PID1: variants seen among roughly 807,000 people sequenced by gnomAD.
PID1 encodes the protein phosphotyrosine interaction domain containing 1.
In PID1, 10 loss-of-function variants were observed where a neutral mutation model predicts 19.1. The ratio of observed to expected loss-of-function variants is 0.52; its 90% CI spans 0.32 to 0.89. The LOEUF (loss-of-function observed/expected upper bound fraction) is 0.89. Ranked by LOEUF, PID1 falls within the 40% of genes least tolerant of loss-of-function variation. PID1 has a pLI of 0.03. For synonymous variants in PID1, 130 were observed against 116.0 expected (o/e 1.12, Z -0.78); for missense variants, 248 against 285.3 (o/e 0.87, Z 0.94).
At chr2:229,113,667 C>T (rs1695350002) in intron 2 of PID1, among the ~76,000 whole-genome samples, 1 of 150,452 alleles carries the variant, frequency 6.6e-6, no homozygotes, top group African/African-American at 2.4e-5. Flanking sequence ...GTGAGGCTAA[C>T]TAATTGATGC....
At chr2:229,033,187 G>GA (rs1020540399) in intron 2 of PID1, among the ~76,000 whole-genome samples, 8 of 152,166 alleles carry the variant, frequency 5.3e-5, no homozygotes, top group African/African-American at 1.9e-4. Flanking sequence ...TGGAGAGTGG[G>GA]ATCAAAAGGG....
At chr2:229,170,358 T>C (rs1203550148) in intron 1 of PID1, among the ~76,000 whole-genome samples, 1 of 152,160 alleles carries the variant, frequency 6.6e-6, no homozygotes, top group African/African-American at 2.4e-5. Context: ...TTTTGAGGCA[T>C]TTGAACGTCA....
intron 1 of PID1, among the ~76,000 whole-genome samples, chr2:229,173,975 C>T (rs1690761971): frequency 6.6e-6 from 1 of 152,212 alleles, no homozygotes; most frequent in Admixed American, 6.5e-5. Flanking sequence ...TTACCTCACT[C>T]CTGAGAGCTA....
chr2:229,095,752 C>T (rs1218083234), intron 2 of PID1, among the ~76,000 whole-genome samples: 1 of 152,078 alleles, frequency 6.6e-6, no homozygotes, highest in Non-Finnish European at 1.5e-5. Flanking sequence ...CAGTCATTCA[C>T]TGAAGGGTAC....
At chr2:229,224,454 T>C (rs1278513144) in intron 1 of PID1, among the ~76,000 whole-genome samples, 1 of 152,208 alleles carries the variant, frequency 6.6e-6, no homozygotes, top group African/African-American at 2.4e-5. Flanking sequence ...CTCCATCTAT[T>C]AAGCATTTAC....
intron 2 of PID1, among the ~76,000 whole-genome samples, chr2:229,133,346 T>C (rs561594055): frequency 6.6e-6 from 1 of 152,304 alleles, no homozygotes; most frequent in South Asian, 2.1e-4. Context: ...CACAATTCAG[T>C]AGGTGGCACT....
intron 1 of PID1, among the ~76,000 whole-genome samples, chr2:229,164,867 G>T (rs528326993): frequency 6.6e-6 from 1 of 152,292 alleles, no homozygotes. Context: ...CAAGAGAAGA[G>T]AACTTCACAG....
intron 2 of PID1, among the ~76,000 whole-genome samples, chr2:229,100,359 A>G (rs1695052080): frequency 6.6e-6 from 1 of 152,212 alleles, no homozygotes. Flanking sequence ...TTTAAAATTA[A>G]AAATAGGTTC....
chr2:229,222,386 A>G (rs1221721164), intron 1 of PID1, among the ~76,000 whole-genome samples: 1 of 152,234 alleles, frequency 6.6e-6, no homozygotes, highest in Non-Finnish European at 1.5e-5. Context: ...TGCAATTAAA[A>G]GCATAGTATA....
intron 2 of PID1, among the ~76,000 whole-genome samples, chr2:229,115,943 T>A (rs1259096283): frequency 6.6e-6 from 1 of 152,166 alleles, no homozygotes; most frequent in Non-Finnish European, 1.5e-5. Context: ...AAAATCATTT[T>A]AATCATTAAA....
chr2:229,109,685 A>G (rs1271744460), intron 2 of PID1, among the ~76,000 whole-genome samples: 2 of 152,230 alleles, frequency 1.3e-5, no homozygotes, highest in Admixed American at 6.5e-5. Flanking sequence ...TATTTGACAT[A>G]ATCATATTTT....
intron 2 of PID1, among the ~76,000 whole-genome samples, chr2:229,076,542 T>C (rs993512837): frequency 3.3e-5 from 5 of 151,990 alleles, no homozygotes; most frequent in African/African-American, 1.2e-4. Context: ...ATCCCTCCCA[T>C]TGCCTCCCAC....
intron 2 of PID1, among the ~76,000 whole-genome samples, chr2:229,132,165 C>T (rs1296770463): frequency 2.0e-5 from 3 of 152,138 alleles, no homozygotes; most frequent in Admixed American, 2.0e-4. Context: ...AGGAAGGATA[C>T]ACTTATTATC....
At chr2:229,141,845 C>T (rs959527539) in intron 2 of PID1, among the ~76,000 whole-genome samples, 1 of 151,496 alleles carries the variant, frequency 6.6e-6, no homozygotes, top group Non-Finnish European at 1.5e-5. Context: ...CACAGAAGCC[C>T]AGACATCATT....
At chr2:229,027,714 G>A (rs1693456335) in intron 2 of PID1, among the ~76,000 whole-genome samples, 1 of 152,306 alleles carries the variant, frequency 6.6e-6, no homozygotes, top group Non-Finnish European at 1.5e-5. Context: ...GTAAAGGCAA[G>A]TAGTAGAGAA....
chr2:229,209,389 T>C (rs1355763627), intron 1 of PID1, among the ~76,000 whole-genome samples: 2 of 152,192 alleles, frequency 1.3e-5, no homozygotes, highest in African/African-American at 2.4e-5. Flanking sequence ...TTCTAGCCAA[T>C]GGAATGTGAG....
intron 2 of PID1, among the ~76,000 whole-genome samples, chr2:229,105,223 G>A (rs1314961208): frequency 6.6e-6 from 1 of 152,112 alleles, no homozygotes; most frequent in Non-Finnish European, 1.5e-5. Context: ...AGGGAGATTG[G>A]GGGCACTTCC....
In PID1 at chr2:229,155,839, T is replaced by C; in HGVS notation, c.156A>G (p.Thr52=). The C allele has an allele frequency of 1.2e-6, 2 of 1,613,154 alleles. No individual in the cohort carries two copies. The highest frequency in any genetic ancestry group is 1.1e-5 in the South Asian group (1 of 90,964). ...ELCTTTPLMK[T]RTHSGCKVTY... is the part of the protein sequence containing the mutation. Reference sequence around the variant, plus strand: ...ATACCTTGCAGCCACTGTGAGTCCTTGTCTTCATCAGCGGTGTGGTCGTGC... The same window carrying C: ...ATACCTTGCAGCCACTGTGAGTCCTCGTCTTCATCAGCGGTGTGGTCGTGC... Residue 52 remains threonine, a synonymous_variant, in exon 2 of 3, where the codon ACA becomes ACG. Coordinates refer to ENST00000392055, the MANE Select transcript of PID1 (RefSeq NM_001100818.2).
chr2:229,261,664 C>T (rs1238746515), intron 1 of PID1, among the ~76,000 whole-genome samples: 1 of 152,222 alleles, frequency 6.6e-6, no homozygotes, highest in Non-Finnish European at 1.5e-5. Context: ...CATTCCCCTC[C>T]TGCTCCCATG....
Sources: gnomAD v4.1 joint callset for allele counts (sites outside exome capture counted in the v4.1 genomes callset) on GRCh38, gnomAD v4.1.1 for gene constraint, MANE v1.5 for transcripts, NCBI Gene and HGNC (gene_info 2026-07-23, HGNC 2026-07-21) for gene names.